Variants in GALNT18 observed in about 807,000 individuals in gnomAD.
The protein encoded by GALNT18 is polypeptide N-acetylgalactosaminyltransferase 18, also known as GalNAc-transferase 18.
GALNT18 carries 44 observed loss-of-function variants against 69.5 expected under a neutral mutation model. That is an observed-to-expected ratio of 0.63 (90% CI 0.50 to 0.81). The LOEUF is 0.81. GALNT18 is among the 40% of genes least tolerant of loss of function. The pLI, the probability that GALNT18 is intolerant of heterozygous loss-of-function variation, is 0.00. For synonymous variants in GALNT18, 364 were observed against 318.2 expected (o/e 1.14, Z -1.53); for missense variants, 715 against 810.0 (o/e 0.88, Z 1.42).
At chr11:11,464,457 A>G (rs571479297) in intron 1 of GALNT18, among the ~76,000 whole-genome samples, 1 of 152,266 alleles carries the variant, frequency 6.6e-6, no homozygotes, top group Non-Finnish European at 1.5e-5. Flanking sequence ...TCCCATGAAC[A>G]TCTCCTCTTC....
intron 1 of GALNT18, among the ~76,000 whole-genome samples, chr11:11,484,736 G>T (rs1282856344): frequency 6.6e-6 from 1 of 152,088 alleles, no homozygotes; most frequent in Non-Finnish European, 1.5e-5. Flanking sequence ...GAGTCCCAGG[G>T]ACTAGAAGGA....
At position 11,617,403 on chromosome 11, in the gene GALNT18, C is replaced by G. The variant is rs1342025548; in HGVS notation, c.235+3956G>C. On this transcript the variant is annotated intron_variant, in intron 1 of 10. Coordinates refer to ENST00000227756, the MANE Select transcript of GALNT18 (RefSeq NM_198516.3). The surrounding 1 kb of genome is among the most constrained non-coding windows in gnomAD (Gnocchi z 4.7). Reference sequence around the variant, plus strand: ...CAGTTCACCACTGTAATCACTTTCTCAGTGCAGTGTCTGGCACACATTAGG... The same window carrying G: ...CAGTTCACCACTGTAATCACTTTCTGAGTGCAGTGTCTGGCACACATTAGG... Among the ~76,000 whole-genome samples the G allele has an allele frequency of 1.3e-5, 2 of 152,190 alleles. No individual in the cohort carries two copies. The highest frequency in any genetic ancestry group is 2.9e-5 in the Non-Finnish European group (2 of 68,028).
At chr11:11,537,509 C>T (rs575109011) in intron 1 of GALNT18, among the ~76,000 whole-genome samples, 4 of 152,070 alleles carry the variant, frequency 2.6e-5, no homozygotes, top group African/African-American at 4.8e-5. Context: ...AGGATATGTC[C>T]GTGTGTCTCC....
Position 11,614,655 on chromosome 11 carries a change from C to A in GALNT18, c.235+6704G>T, listed in dbSNP as rs950030823. Among the ~76,000 whole-genome samples, 1 of 152,200 alleles carries A rather than the reference C, an allele frequency of 6.6e-6. No individual in the cohort carries two copies. Among genetic ancestry groups the A allele is most frequent in the Non-Finnish European group, 1.5e-5 (1 of 68,038 alleles). The stretch of plus-strand genomic sequence containing the variant: ...TGGTAATGAAGACGCTCCAGTAACC[C>A]TGTTTGTGACTCTGAATCCCATAAA... On this transcript the variant is annotated intron_variant, in intron 1 of 10. Coordinates refer to ENST00000227756, the MANE Select transcript of GALNT18 (RefSeq NM_198516.3). The surrounding 1 kb of genome is among the most constrained non-coding windows in gnomAD (Gnocchi z 5.6).
Position 11,314,773 on chromosome 11 carries a change from G to A in GALNT18, c.1512+12313C>T, listed in dbSNP as rs369126673. On this transcript the variant is annotated intron_variant, in intron 9 of 10. Coordinates refer to ENST00000227756, the MANE Select transcript of GALNT18 (RefSeq NM_198516.3). The surrounding 1 kb of genome is among the most constrained non-coding windows in gnomAD (Gnocchi z 5.2). ...GGAGGCTGTGGATTCTAAGGAGTCA[G>A]TGCTGGTAGAGAAAGCAGCGCTGCT... 6.8e-4 allele frequency among the ~76,000 whole-genome samples: 104 copies of A among 152,310 alleles called. No homozygotes were observed. Among genetic ancestry groups the A allele is most frequent in the African/African-American group, 2.5e-3 (103 of 41,576 alleles).
intron 9 of GALNT18, 103 bp downstream of exon 9, chr11:11,326,983 A>G (rs1477391308): frequency 2.4e-6 from 2 of 838,126 alleles, no homozygotes; most frequent in Admixed American, 3.9e-5. Flanking sequence ...AGCTGCCATG[A>G]CAGAGCCTAG....
chr11:11,378,867 G>C (rs1261015993), intron 4 of GALNT18, among the ~76,000 whole-genome samples: 1 of 152,150 alleles, frequency 6.6e-6, no homozygotes, highest in Non-Finnish European at 1.5e-5. Context: ...GTGCTGACCT[G>C]TTGACCCCTG....
intron 1 of GALNT18, among the ~76,000 whole-genome samples, chr11:11,607,916 C>A (rs374534966): frequency 1.3e-5 from 2 of 152,312 alleles, no homozygotes; most frequent in African/African-American, 4.8e-5. Context: ...ACTGCAATGC[C>A]AAGTTTCTAC....
intron 10 of GALNT18, among the ~76,000 whole-genome samples, chr11:11,287,629 T>C (rs553484161): frequency 6.6e-6 from 1 of 152,212 alleles, no homozygotes; most frequent in African/African-American, 2.4e-5. Flanking sequence ...GAAAGACATA[T>C]ACTTAATGCA....
At chr11:11,328,118 T>G (rs1276886351) in intron 8 of GALNT18, among the ~76,000 whole-genome samples, 1 of 151,942 alleles carries the variant, frequency 6.6e-6, no homozygotes, top group Non-Finnish European at 1.5e-5. Context: ...GCAGAGAAAG[T>G]CAGTTGTGAT....
chr11:11,351,221 G>A (rs140456020), intron 6 of GALNT18, among the ~76,000 whole-genome samples: 61 of 152,322 alleles, frequency 4.0e-4, no homozygotes, highest in South Asian at 2.1e-3. Flanking sequence ...GGGGCAGGCA[G>A]GACATTTGGA....
In GALNT18 at chr11:11,461,492, G is replaced by A. The variant is rs755528086; in HGVS notation, c.236-12556C>T. 7.9e-5 allele frequency among the ~76,000 whole-genome samples: 12 copies of A among 152,108 alleles called. No homozygotes were observed. Among genetic ancestry groups the A allele is most frequent in the Non-Finnish European group, 1.6e-4 (11 of 68,026 alleles). On this transcript the variant is annotated intron_variant, in intron 1 of 10. Transcript: ENST00000227756. The surrounding 1 kb of genome is among the most constrained non-coding windows in gnomAD (Gnocchi z 4.1). ...ATGTGCCATTACTTGCTACTTTAAAGCAACCTTTAAAGCTAGAATTCTGCC... is the reference window on the plus strand; with the variant it reads ...ATGTGCCATTACTTGCTACTTTAAAACAACCTTTAAAGCTAGAATTCTGCC...
chr11:11,319,403 AC>A (rs1323539111), intron 9 of GALNT18, among the ~76,000 whole-genome samples: 6 of 152,338 alleles, frequency 3.9e-5, no homozygotes, highest in Admixed American at 2.0e-4. Flanking sequence ...AAGGACAGTC[AC>A]TTTTTTTCTG....
At chr11:11,303,905 T>C (rs1849536821) in intron 9 of GALNT18, among the ~76,000 whole-genome samples, 1 of 152,226 alleles carries the variant, frequency 6.6e-6, no homozygotes. Context: ...AGTACCTGCC[T>C]CTGGTAATCT....
In GALNT18 at chr11:11,563,583, C is replaced by T. The variant is rs185420242; in HGVS notation, c.235+57776G>A. 1.5e-3 allele frequency among the ~76,000 whole-genome samples: 225 copies of T among 152,364 alleles called. 2 individuals are homozygous for T. Among genetic ancestry groups the T allele is most frequent in the Admixed American group, 0.014 (216 of 15,310 alleles). On this transcript the variant is annotated intron_variant, in intron 1 of 10. Transcript: ENST00000227756. The surrounding 1 kb of genome is among the most constrained non-coding windows in gnomAD (Gnocchi z 4.6). ...CAGAGGGCTGTATCATCTCATCTGACTATCACTCCATCCTCATGTCACAAG... is the reference window on the plus strand; with the variant it reads ...CAGAGGGCTGTATCATCTCATCTGATTATCACTCCATCCTCATGTCACAAG...
chr11:11,477,418 T>G (rs2403508), intron 1 of GALNT18, among the ~76,000 whole-genome samples: 45,548 of 152,112 alleles, frequency 0.3, 7,223 homozygotes, highest in African/African-American at 0.41. Flanking sequence ...ACAATCACAA[T>G]AGAAGAGTCA....
chr11:11,418,967 C>T (rs1471442498), intron 3 of GALNT18, among the ~76,000 whole-genome samples: 2 of 152,002 alleles, frequency 1.3e-5, no homozygotes, highest in African/African-American at 2.4e-5. Flanking sequence ...GTGGGAGGGA[C>T]CTACACAGTG....
Position 11,430,019 on chromosome 11 carries a change from C to T in GALNT18, c.595+2602G>A, listed in dbSNP as rs114729027. Among the ~76,000 whole-genome samples, 1,623 of 152,058 alleles carry T rather than the reference C, an allele frequency of 0.011. 37 individuals carry two copies. The highest frequency in any genetic ancestry group is 0.037 in the African/African-American group (1,535 of 41,472). On this transcript the variant is annotated intron_variant, in intron 3 of 10. Coordinates refer to ENST00000227756, the MANE Select transcript of GALNT18 (RefSeq NM_198516.3). The surrounding 1 kb of genome is among the most constrained non-coding windows in gnomAD (Gnocchi z 4.9). The stretch of plus-strand genomic sequence containing the variant: ...AGCCCGGCATGGTGGATGCACCTGT[C>T]GTCCCAGCTACTCGGGAGGCTAAGA...
At chr11:11,504,700 G>A (rs972491109) in intron 1 of GALNT18, among the ~76,000 whole-genome samples, 3 of 152,114 alleles carry the variant, frequency 2.0e-5, no homozygotes, top group South Asian at 2.1e-4. Context: ...GGAGGTTGCG[G>A]TGAACCATGA....
Sources: gnomAD v4.1 joint callset for allele counts (sites outside exome capture counted in the v4.1 genomes callset) on GRCh38, gnomAD v4.1.1 for gene constraint, Gnocchi (gnomAD v3.1) non-coding constraint, MANE v1.5 for transcripts, NCBI Gene and HGNC (gene_info 2026-07-23, HGNC 2026-07-21) for gene names.